NPAS3: variants seen among roughly 807,000 people sequenced by gnomAD.
NPAS3 encodes the protein neuronal PAS domain-containing protein 3.
In NPAS3, 14 loss-of-function variants were observed where a neutral mutation model predicts 73.1. That is an observed-to-expected ratio of 0.19 (90% CI 0.13 to 0.30). The LOEUF (loss-of-function observed/expected upper bound fraction) is 0.30. NPAS3 is among the 10% of genes least tolerant of loss of function. The pLI is 1.00. For synonymous variants in NPAS3, 620 were observed against 541.5 expected (o/e 1.14, Z -2.01); for missense variants, 1,096 against 1,250.0 (o/e 0.88, Z 1.86).
chr14:33,466,043 C>T (rs1446070196), intron 4 of NPAS3, among the ~76,000 whole-genome samples: 3 of 152,144 alleles, frequency 2.0e-5, no homozygotes, highest in African/African-American at 7.2e-5. Flanking sequence ...CAGGCTGGAG[C>T]GTGAGCAAAA....
rs78035142 is a variant in NPAS3, at chr14:33,657,087, G to A, written c.559-19124G>A. On this transcript the variant is annotated intron_variant, in intron 5 of 11. Coordinates refer to ENST00000356141, the Ensembl canonical transcript of NPAS3. ...AATGCCAATGAACATGGAGGACATC[G>A]CGCTAAGTGAAATAACAGCAGACAC... Among the ~76,000 whole-genome samples the A allele has an allele frequency of 2.3e-3, 353 of 152,262 alleles. 1 individual carries two copies. The highest frequency in any genetic ancestry group is 0.014 in the Middle Eastern group (4 of 294).
intron 2 of NPAS3, among the ~76,000 whole-genome samples, chr14:33,098,297 T>C (rs1276166230): frequency 1.3e-5 from 2 of 152,164 alleles, no homozygotes; most frequent in East Asian, 1.9e-4. Context: ...CAAATTTTAA[T>C]TTTAGTATTT....
At chr14:33,340,268 G>T (rs1341511949) in intron 3 of NPAS3, among the ~76,000 whole-genome samples, 1 of 152,208 alleles carries the variant, frequency 6.6e-6, no homozygotes, top group Non-Finnish European at 1.5e-5. Flanking sequence ...GCCGAGGCAG[G>T]TGGATCACCT....
chr14:33,224,410 C>T (rs892665850), intron 3 of NPAS3, among the ~76,000 whole-genome samples: 8 of 152,114 alleles, frequency 5.3e-5, no homozygotes, highest in African/African-American at 1.7e-4. Flanking sequence ...AAACAGGTGA[C>T]CTCCACCTGT....
At chr14:33,439,858 G>A (rs567801663) in intron 4 of NPAS3, among the ~76,000 whole-genome samples, 63 of 152,330 alleles carry the variant, frequency 4.1e-4, no homozygotes, top group Non-Finnish European at 7.2e-4. Context: ...GCTCACGCCT[G>A]TAATCCCAGC....
intron 2 of NPAS3, among the ~76,000 whole-genome samples, chr14:33,062,522 G>A (rs183020564): frequency 2.1e-4 from 32 of 152,242 alleles, no homozygotes; most frequent in African/African-American, 6.7e-4. Flanking sequence ...ATGGATAGGC[G>A]CAGGCAGCAT....
intron 2 of NPAS3, among the ~76,000 whole-genome samples, chr14:33,138,035 T>A (rs1164386729): frequency 6.8e-6 from 1 of 147,822 alleles, no homozygotes; most frequent in Admixed American, 6.8e-5. Flanking sequence ...TGTGGAGAAT[T>A]GGACATAATC....
At chr14:33,068,983 G>A (rs571524404) in intron 2 of NPAS3, among the ~76,000 whole-genome samples, 46 of 152,250 alleles carry the variant, frequency 3.0e-4, no homozygotes, top group Middle Eastern at 3.4e-3. Flanking sequence ...TGTTCCACTC[G>A]AAACAGAGTC....
chr14:33,206,728 A>C (rs2046835189), intron 2 of NPAS3, among the ~76,000 whole-genome samples: 1 of 152,174 alleles, frequency 6.6e-6, no homozygotes, highest in African/African-American at 2.4e-5. Flanking sequence ...GGTGCTGTAT[A>C]CTGTTGAAAA....
At chr14:33,743,732 A>G (rs981412559) in intron 7 of NPAS3, among the ~76,000 whole-genome samples, 5 of 152,186 alleles carry the variant, frequency 3.3e-5, no homozygotes, top group African/African-American at 1.2e-4. Flanking sequence ...TCCATTAACA[A>G]TCTGTTGTTT....
intron 6 of NPAS3, among the ~76,000 whole-genome samples, chr14:33,684,482 G>C (rs1027813285): frequency 6.6e-6 from 1 of 151,890 alleles, no homozygotes; most frequent in African/African-American, 2.4e-5. Flanking sequence ...TAGATAATTA[G>C]AGATGGGGTT....
rs183241600 is a variant in NPAS3 at position 33,679,467 on chromosome 14, T to G, written c.733+3082T>G. Among the ~76,000 whole-genome samples the G allele has an allele frequency of 6.1e-4, 93 of 151,808 alleles. 3 individuals are homozygous for G. Among genetic ancestry groups the G allele is most frequent in the African/African-American group, 2.1e-3 (88 of 41,576 alleles). On this transcript the variant is annotated intron_variant, in intron 6 of 11. Transcript: ENST00000356141. ...CTGAAAGAATTTTAACAAGATTTCCTAATTCTTAATAACTAACATGAAGGA... is the reference window on the plus strand; with the variant it reads ...CTGAAAGAATTTTAACAAGATTTCCGAATTCTTAATAACTAACATGAAGGA...
intron 4 of NPAS3, among the ~76,000 whole-genome samples, chr14:33,421,143 T>G (rs1004760721): frequency 6.6e-6 from 1 of 151,924 alleles, no homozygotes; most frequent in Non-Finnish European, 1.5e-5. Context: ...GACGCTGGAT[T>G]TGTATGTGTA....
At chr14:33,561,825 TG>T (rs2055663521) in intron 5 of NPAS3, among the ~76,000 whole-genome samples, 1 of 152,230 alleles carries the variant, frequency 6.6e-6, no homozygotes, top group African/African-American at 2.4e-5. Flanking sequence ...AGGGAACTCC[TG>T]AAAAGCATCC....
chr14:33,098,424 A>G (rs78084221), intron 2 of NPAS3, among the ~76,000 whole-genome samples: 2,146 of 152,306 alleles, frequency 0.014, 47 homozygotes, highest in African/African-American at 0.048. Flanking sequence ...GGTGAATACC[A>G]TATATTGATT....
At chr14:33,042,907 C>T (rs1595306206) in intron 1 of NPAS3, among the ~76,000 whole-genome samples, 1 of 152,056 alleles carries the variant, frequency 6.6e-6, no homozygotes, top group South Asian at 2.1e-4. Flanking sequence ...TTAAAGAAGA[C>T]AGTGCTAATA....
At chr14:33,161,111 T>C (rs80080196) in intron 2 of NPAS3, among the ~76,000 whole-genome samples, 5,849 of 152,310 alleles carry the variant, frequency 0.038, 150 homozygotes, top group Middle Eastern at 0.075. Context: ...AGCTTTTCCT[T>C]AGAAAGCATG....
chr14:33,645,205 C>T (rs573770282), intron 5 of NPAS3, among the ~76,000 whole-genome samples: 1 of 152,178 alleles, frequency 6.6e-6, no homozygotes, highest in South Asian at 2.1e-4. Flanking sequence ...TTTCTAAGGG[C>T]AGTTGTTCAG....
intron 2 of NPAS3, among the ~76,000 whole-genome samples, chr14:33,211,346 C>T (rs973176545): frequency 2.0e-5 from 3 of 152,066 alleles, no homozygotes; most frequent in African/African-American, 7.2e-5. Flanking sequence ...TTTGGGAGGC[C>T]AAGGTGGGCG....
Sources: allele counts gnomAD v4.1 joint callset (sites outside exome capture counted in the v4.1 genomes callset), GRCh38; gene constraint gnomAD v4.1.1; transcripts MANE v1.5; gene names NCBI Gene and HGNC (gene_info 2026-07-23, HGNC 2026-07-21).